RBFOX1: variants seen among roughly 807,000 people sequenced by gnomAD.
The protein encoded by RBFOX1 is RNA binding fox-1 homolog 1.
RBFOX1 carries 8 observed loss-of-function variants against 57.7 expected under a neutral mutation model. That is an observed-to-expected ratio of 0.14 (90% CI 0.08 to 0.25). The LOEUF (loss-of-function observed/expected upper bound fraction) is 0.25. RBFOX1 is among the 10% of genes least tolerant of loss of function. The probability of loss-of-function intolerance (pLI) is 1.00; values close to 1 mark genes in which losing one functional copy is unlikely to be tolerated. For missense variants in RBFOX1, 611 were observed against 548.5 expected (o/e 1.11, Z -1.14); for synonymous variants, 326 against 222.4 (o/e 1.47, Z -4.15).
intron 3 of RBFOX1, among the ~76,000 whole-genome samples, chr16:5,775,220 A>G (rs1401373442): frequency 6.6e-6 from 1 of 152,144 alleles, no homozygotes; most frequent in African/African-American, 2.4e-5. Context: ...GGATCCCCAA[A>G]TGTATCTCCT....
chr16:7,289,107 G>C (rs1397755442), intron 4 of RBFOX1, among the ~76,000 whole-genome samples: 2 of 152,166 alleles, frequency 1.3e-5, no homozygotes, highest in South Asian at 4.1e-4. Context: ...GATCCTGCCT[G>C]CTGTATCAGA....
intron 1 of RBFOX1, among the ~76,000 whole-genome samples, chr16:6,113,659 G>C (rs2343522): frequency 2.0e-5 from 3 of 152,074 alleles, no homozygotes; most frequent in South Asian, 2.1e-4. Context: ...AAGGACACCA[G>C]AGGGGTATGA....
At chr16:7,039,026 A>G (rs2045361407) in intron 3 of RBFOX1, among the ~76,000 whole-genome samples, 1 of 126,986 alleles carries the variant, frequency 7.9e-6, no homozygotes. Context: ...TTATTACCAA[A>G]CAATATGATG....
chr16:6,902,822 T>C (rs925398364), intron 3 of RBFOX1, among the ~76,000 whole-genome samples: 60 of 152,192 alleles, frequency 3.9e-4, no homozygotes, highest in African/African-American at 1.2e-3. Context: ...TTATCCATGA[T>C]TGTACACTGT....
chr16:7,705,290 A>G lies in RBFOX1; in HGVS notation c.996-3766A>G, dbSNP rs60964479. Among the ~76,000 whole-genome samples the G allele has an allele frequency of 2.5e-3, 383 of 152,202 alleles. 2 individuals are homozygous for G. Among genetic ancestry groups the G allele is most frequent in the African/African-American group, 8.8e-3 (365 of 41,536 alleles). On this transcript the variant is annotated intron_variant, in intron 14 of 15. Coordinates refer to ENST00000550418, the MANE Select transcript of RBFOX1 (RefSeq NM_018723.4). The stretch of plus-strand genomic sequence containing the variant: ...GGGAGGCCGAGGCAGGAGGATCACG[A>G]GGTCAGGAGATCAAAACCATCGTGG...
chr16:7,076,576 C>A (rs976085608), intron 4 of RBFOX1, among the ~76,000 whole-genome samples: 6 of 152,186 alleles, frequency 3.9e-5, no homozygotes, highest in African/African-American at 1.4e-4. Context: ...CCTGCAGATA[C>A]TTGAATTTCT....
At chr16:6,441,086 G>A (rs970887225) in intron 2 of RBFOX1, among the ~76,000 whole-genome samples, 44 of 152,262 alleles carry the variant, frequency 2.9e-4, no homozygotes, top group African/African-American at 9.9e-4. Flanking sequence ...CAGAGTCATG[G>A]CGGACGGAGA....
chr16:7,287,380 G>A (rs2095670752), intron 4 of RBFOX1, among the ~76,000 whole-genome samples: 1 of 152,164 alleles, frequency 6.6e-6, no homozygotes, highest in South Asian at 2.1e-4. Context: ...GAGCAGCAGT[G>A]TGCAGGAACT....
intron 4 of RBFOX1, among the ~76,000 whole-genome samples, chr16:7,307,124 G>C (rs2096208071): frequency 6.6e-6 from 1 of 152,178 alleles, no homozygotes; most frequent in Non-Finnish European, 1.5e-5. Context: ...AATTACATAA[G>C]AAAGTAATCA....
chr16:7,504,210 A>G (rs2071982137), intron 4 of RBFOX1, among the ~76,000 whole-genome samples: 1 of 152,140 alleles, frequency 6.6e-6, no homozygotes, highest in African/African-American at 2.4e-5. Flanking sequence ...ATGAAGATAA[A>G]GTCGGTGCCC....
intron 4 of RBFOX1, among the ~76,000 whole-genome samples, chr16:7,255,847 T>A (rs1238487985): frequency 6.6e-6 from 1 of 152,186 alleles, no homozygotes; most frequent in Non-Finnish European, 1.5e-5. Flanking sequence ...CACGTCTCAT[T>A]TCAGATCAGT....
At chr16:7,095,941 A>G (rs1437848203) in intron 4 of RBFOX1, among the ~76,000 whole-genome samples, 1 of 148,020 alleles carries the variant, frequency 6.8e-6, no homozygotes, top group Non-Finnish European at 1.5e-5. Context: ...TGAACCCAGG[A>G]GGCGGAGCTT....
At chr16:6,340,514 A>G (rs922075702) in intron 2 of RBFOX1, among the ~76,000 whole-genome samples, 2 of 152,208 alleles carry the variant, frequency 1.3e-5, no homozygotes, top group African/African-American at 4.8e-5. Context: ...TTTCTTGATG[A>G]TATGCTAAAC....
intron 4 of RBFOX1, among the ~76,000 whole-genome samples, chr16:7,058,490 C>G (rs1253034370): frequency 6.6e-6 from 1 of 152,102 alleles, no homozygotes; most frequent in Non-Finnish European, 1.5e-5. Flanking sequence ...ACTTTGTAGC[C>G]TTGTACATGT....
intron 4 of RBFOX1, among the ~76,000 whole-genome samples, chr16:7,246,785 T>C (rs1469435592): frequency 1.3e-5 from 2 of 152,000 alleles, no homozygotes. Context: ...CAGAGGCTTA[T>C]TAAATATCAG....
intron 2 of RBFOX1, among the ~76,000 whole-genome samples, chr16:6,325,621 A>G (rs995695460): frequency 6.6e-6 from 1 of 152,182 alleles, no homozygotes; most frequent in Non-Finnish European, 1.5e-5. Context: ...CCTGATTCCT[A>G]CTGGTGGTTC....
intron 2 of RBFOX1, among the ~76,000 whole-genome samples, chr16:6,457,137 C>G (rs1431754023): frequency 6.6e-6 from 1 of 152,098 alleles, no homozygotes; most frequent in Non-Finnish European, 1.5e-5. Context: ...AAAGAAAATC[C>G]AAGACGTCTT....
At chr16:6,050,250 G>A (rs1486062348) in intron 1 of RBFOX1, among the ~76,000 whole-genome samples, 1 of 152,050 alleles carries the variant, frequency 6.6e-6, no homozygotes, top group Non-Finnish European at 1.5e-5. Flanking sequence ...GTGAGCCACC[G>A]TACCCAGCCT....
chr16:5,858,698 T>C, intron 3 of RBFOX1, among the ~76,000 whole-genome samples: 1 of 152,226 alleles, frequency 6.6e-6, no homozygotes, highest in Admixed American at 6.5e-5. Flanking sequence ...TAGAAGAATT[T>C]TAAGAGACAT....
Sources: gnomAD v4.1 joint callset for allele counts (sites outside exome capture counted in the v4.1 genomes callset) on GRCh38, gnomAD v4.1.1 for gene constraint, MANE v1.5 for transcripts, NCBI Gene and HGNC (gene_info 2026-07-23, HGNC 2026-07-21) for gene names.